RTTN: variants seen among roughly 807,000 people sequenced by gnomAD.
The protein encoded by RTTN is rotatin.
In RTTN, 182 loss-of-function variants were observed where a neutral mutation model predicts 269.2. That is an observed-to-expected ratio of 0.68 (90% CI 0.60 to 0.76). The LOEUF is 0.76. Among genes scored for constraint, RTTN ranks in the 30% least tolerant of loss-of-function variants. RTTN has a pLI of 0.00. For missense variants in RTTN, 2,545 were observed against 2,608.6 expected (o/e 0.98, Z 0.53); for synonymous variants, 1,006 against 963.5 (o/e 1.04, Z -0.82).
chr18:70,024,404 C>A (rs1173583566), intron 44 of RTTN, among the ~76,000 whole-genome samples: 1 of 152,174 alleles, frequency 6.6e-6, no homozygotes, highest in Non-Finnish European at 1.5e-5. Flanking sequence ...CTAACCTTCA[C>A]GTGGCTTTTG....
At chr18:70,150,904 T>C (rs977744477) in intron 14 of RTTN, among the ~76,000 whole-genome samples, 171 bp from the exon 15 acceptor site, 7 of 151,940 alleles carry the variant, frequency 4.6e-5, no homozygotes, top group Non-Finnish European at 5.9e-5. Flanking sequence ...TCTTAGTTTG[T>C]AGGAGATACA....
chr18:70,192,435 C>A (rs1367388874), intron 8 of RTTN, among the ~76,000 whole-genome samples: 1 of 152,154 alleles, frequency 6.6e-6, no homozygotes, highest in East Asian at 1.9e-4. Context: ...AATCTCAGCA[C>A]TTTACGAGGC....
At chr18:70,088,977 T>C (rs1034293470) in intron 30 of RTTN, among the ~76,000 whole-genome samples, 7 of 152,236 alleles carry the variant, frequency 4.6e-5, no homozygotes, top group South Asian at 2.1e-4. Flanking sequence ...GACACTTAAG[T>C]GTTGCATGTC....
intron 41 of RTTN, 100 bp downstream of exon 41, chr18:70,030,776 G>A (rs2056988989): frequency 9.5e-6 from 8 of 841,174 alleles, no homozygotes; most frequent in East Asian, 2.5e-5. Flanking sequence ...TATACTATAC[G>A]TTTTTTACAT....
chr18:70,161,260 T>G (rs1249526950), intron 14 of RTTN, among the ~76,000 whole-genome samples: 1 of 152,150 alleles, frequency 6.6e-6, no homozygotes, highest in African/African-American at 2.4e-5. Flanking sequence ...AACTCCCTAC[T>G]CAGTAAACAG....
chr18:70,075,285 A>C (rs1337072168), intron 33 of RTTN, 67 bp downstream of exon 33: 15 of 1,119,250 alleles, frequency 1.3e-5, no homozygotes, highest in Non-Finnish European at 1.8e-5. Context: ...AAACAAATAT[A>C]TGTATTTTTA....
At chr18:70,176,216 T>C (rs1048306648) in intron 11 of RTTN, among the ~76,000 whole-genome samples, 3 of 123,568 alleles carry the variant, frequency 2.4e-5, no homozygotes, top group Non-Finnish European at 4.7e-5. Flanking sequence ...TATGTATATG[T>C]ATATGTATAT....
chr18:70,004,301 C>A, intron 48 of RTTN, 65 bp from the exon 49 acceptor site: 1 of 1,083,462 alleles, frequency 9.2e-7, no homozygotes, highest in Non-Finnish European at 1.4e-6. Context: ...ACTTAGGAGG[C>A]ACACACATAA....
Position 70,051,454 on chromosome 18 carries a change from C to T in RTTN, c.5280G>A (p.Pro1760=), listed in dbSNP as rs186543005. ...GCTTGGCCAGGGCCACGGTAACAAACGGGAGTGTGATGGCACCAGCTTTCC... is the reference window on the plus strand; with the variant it reads ...GCTTGGCCAGGGCCACGGTAACAAATGGGAGTGTGATGGCACCAGCTTTCC... ...LLRKAGAITL[P]FVTVALAKHW... is the part of the protein sequence containing the mutation. Residue 1760 remains proline (P), a synonymous_variant, in exon 39 of 49, where the codon CCG becomes CCA. Coordinates refer to ENST00000640769, the MANE Select transcript of RTTN (RefSeq NM_173630.4). 2,148 of 1,613,900 alleles carry T rather than the reference C, an allele frequency of 1.3e-3. 18 individuals are homozygous for T. The highest frequency in any genetic ancestry group is 9.1e-4 in the Non-Finnish European group (1,076 of 1,179,886).
intron 40 of RTTN, among the ~76,000 whole-genome samples, chr18:70,035,764 A>G (rs1184125938): frequency 2.6e-5 from 4 of 152,208 alleles, no homozygotes; most frequent in African/African-American, 9.6e-5. Flanking sequence ...TCAACAGAGT[A>G]AACAGACAAC....
At chr18:70,066,214 C>A (rs1490871869) in intron 34 of RTTN, among the ~76,000 whole-genome samples, 1 of 152,028 alleles carries the variant, frequency 6.6e-6, no homozygotes, top group African/African-American at 2.4e-5. Flanking sequence ...CCTCATTGCC[C>A]AAATGTTAGA....
At chr18:70,016,685 T>C (rs1299654389) in intron 46 of RTTN, among the ~76,000 whole-genome samples, 5 of 152,164 alleles carry the variant, frequency 3.3e-5, no homozygotes, top group Non-Finnish European at 7.3e-5. Context: ...CCATCTGTCC[T>C]ACATCTCAGA....
Position 70,069,361 on chromosome 18 carries a change from T to TA in RTTN, c.4654-3440dup, listed in dbSNP as rs530218131. 2.3e-3 allele frequency among the ~76,000 whole-genome samples: 357 copies of TA among 152,030 alleles called. 1 individual carries two copies. Among genetic ancestry groups the TA allele is most frequent in the Non-Finnish European group, 4.1e-3 (280 of 67,912 alleles). ...ATTTTAGCTCAAAACTAGGGGAAAATAAAAAAATAAAATGGACTCAAATCT... is the reference window on the plus strand; with the variant it reads ...ATTTTAGCTCAAAACTAGGGGAAAATAAAAAAAATAAAATGGACTCAAATCT... On this transcript the variant is annotated intron_variant, in intron 34 of 48. Coordinates refer to ENST00000640769, the MANE Select transcript of RTTN (RefSeq NM_173630.4).
chr18:70,139,553 A>G, intron 21 of RTTN, 46 bp downstream of exon 21: 1 of 1,211,446 alleles, frequency 8.3e-7, no homozygotes, highest in Non-Finnish European at 1.2e-6. Flanking sequence ...AGAAACACTT[A>G]AAATTTAAGA....
intron 26 of RTTN, among the ~76,000 whole-genome samples, chr18:70,121,105 G>C (rs73964501): frequency 6.6e-6 from 1 of 151,936 alleles, no homozygotes; most frequent in Admixed American, 6.6e-5. Flanking sequence ...AAATCTGACA[G>C]TAGTGGGGGC....
chr18:70,105,694 A>G (rs1599573729), intron 28 of RTTN, among the ~76,000 whole-genome samples: 1 of 152,328 alleles, frequency 6.6e-6, no homozygotes, highest in East Asian at 1.9e-4. Flanking sequence ...TACAGCAAAG[A>G]GTATTTATGA....
chr18:70,049,090 G>A (rs1408213910), intron 39 of RTTN, among the ~76,000 whole-genome samples: 1 of 152,128 alleles, frequency 6.6e-6, no homozygotes, highest in Admixed American at 6.5e-5. Context: ...TAAGTCAGAG[G>A]TCAGCAAACT....
At chr18:70,163,014 T>A (rs1428739499) in intron 14 of RTTN, among the ~76,000 whole-genome samples, 3 of 118,626 alleles carry the variant, frequency 2.5e-5, no homozygotes, top group East Asian at 2.9e-4. Context: ...TTGATAAATT[T>A]AAAAAAAACT....
At position 70,205,234 on chromosome 18, in the gene RTTN, T is replaced by C; in HGVS notation, c.113A>G (p.Asp38Gly). Reference protein sequence around the residue: ...KIEHNLICYADLIQERQLFLH... With the variant: ...KIEHNLICYAGLIQERQLFLH... The stretch of plus-strand genomic sequence containing the variant: ...AAAAAGTTGCCTCTCCTGAATGAGA[T>C]CAGCGTAGCAGATTAAGTTGTGCTC... The change falls in exon 2 of 49, where the codon GAT becomes GGT. Residue 38 changes from aspartate to glycine, a missense_variant. Physicochemically the swap from Asp to Gly is moderately conservative, Grantham distance 94 (BLOSUM62 -1). Coordinates refer to ENST00000640769, the MANE Select transcript of RTTN (RefSeq NM_173630.4). The C allele has an allele frequency of 1.2e-6, 2 of 1,614,174 alleles. No homozygotes were observed. Among genetic ancestry groups the C allele is most frequent in the Admixed American group, 1.7e-5 (1 of 60,032 alleles).
Sources: allele counts gnomAD v4.1 joint callset (sites outside exome capture counted in the v4.1 genomes callset), GRCh38; gene constraint gnomAD v4.1.1; transcripts MANE v1.5; gene names NCBI Gene and HGNC (gene_info 2026-07-23, HGNC 2026-07-21).